The following REPS2 variants were observed in gnomAD, a reference collection of about 807,000 sequenced individuals.
REPS2 encodes the protein ralBP1-associated Eps domain-containing protein 2.
REPS2 carries 23 observed loss-of-function variants against 53.6 expected under a neutral mutation model. The observed-to-expected ratio is 0.43, with a 90% CI of 0.31 to 0.61. The LOEUF (loss-of-function observed/expected upper bound fraction) is 0.61, where lower values mean the gene tolerates loss of function less well. Ranked by LOEUF, REPS2 falls within the 20% of genes least tolerant of loss-of-function variation. REPS2 has a pLI of 0.11. For missense variants in REPS2, 446 were observed against 534.9 expected, an observed-to-expected ratio of 0.83 and a Z score of 1.64; for synonymous variants, 238 against 218.6, an observed-to-expected ratio of 1.09 and a Z score of -0.78.
At chrX:16,987,499 T>C (rs191569391) in intron 1 of REPS2, among the ~76,000 whole-genome samples, 25 of 112,662 alleles carry the variant, frequency 2.2e-4, no homozygotes, top group Non-Finnish European at 4.1e-4. Context: ...TTTTAACTTA[T>C]GTTGTTATTG....
chrX:16,947,009 G>C lies in REPS2; in HGVS notation c.148G>C (p.Gly50Arg). The C allele has an allele frequency of 1.1e-6, 1 of 943,588 alleles. No individual in the cohort carries two copies. Among genetic ancestry groups the C allele is most frequent in the Non-Finnish European group, 1.3e-6 (1 of 762,191 alleles). 77.8% of individuals were successfully genotyped at this position (943,588 alleles called of 1,213,427 possible). Residue 50 changes from glycine to arginine, a missense_variant, in exon 1 of 18, where the codon GGC becomes CGC. Gly to Arg is a moderately radical substitution (Grantham distance 125). Coordinates refer to ENST00000357277, the MANE Select transcript of REPS2 (RefSeq NM_004726.3). ...ELFARCAGAAGGGPGSGPPEA... is the reference protein window; with the variant it reads ...ELFARCAGAARGGPGSGPPEA... Reference sequence around the variant, plus strand: ...CTTCGCGCGCTGTGCCGGCGCCGCGGGCGGGGGCCCCGGGTCTGGGCCCCC... The same window carrying C: ...CTTCGCGCGCTGTGCCGGCGCCGCGCGCGGGGGCCCCGGGTCTGGGCCCCC...
At chrX:17,019,070 G>A (rs188327905) in intron 2 of REPS2, among the ~76,000 whole-genome samples, 1 of 111,448 alleles carries the variant, frequency 9.0e-6, no homozygotes, top group African/African-American at 3.3e-5. Flanking sequence ...GCCTCCCAAA[G>A]TGCTGGGATT....
chrX:16,951,559 A>ACACACACCCCC (rs879259718), intron 1 of REPS2, among the ~76,000 whole-genome samples: 9 of 37,507 alleles, frequency 2.4e-4, no homozygotes, highest in African/African-American at 4.5e-4. Flanking sequence ...ACACACACAC[A>ACACACACCCCC]CCCCCGCTAC....
chrX:16,949,069 TTGGTGGTGGTGGTGGTGG>T (rs3083679), intron 1 of REPS2, among the ~76,000 whole-genome samples: 3 of 104,036 alleles, frequency 2.9e-5, no homozygotes, highest in African/African-American at 1.1e-4. Context: ...ACCCATCACT[TTGGTGGTGGTGGTGGTGG>T]TGGTGGTGGT....
downstream of REPS2, among the ~76,000 whole-genome samples, chrX:17,157,073 C>T (rs868598464): frequency 1.8e-5 from 2 of 111,642 alleles, no homozygotes. Flanking sequence ...GGGCAGAATT[C>T]GTAGACTATT....
At chrX:17,180,366 A>G in the REPS2 span, among the ~76,000 whole-genome samples, 3 of 111,248 alleles carry the variant, frequency 2.7e-5, no homozygotes, top group Non-Finnish European at 5.7e-5. Flanking sequence ...GATCTGCTAT[A>G]TACTAAGCGA....
chrX:17,130,369 T>C (rs1044488921), intron 14 of REPS2, among the ~76,000 whole-genome samples: 6 of 111,853 alleles, frequency 5.4e-5, no homozygotes, highest in African/African-American at 2.0e-4. Flanking sequence ...AGTGTTCTTG[T>C]GGTAGCCCTG....
intron 14 of REPS2, among the ~76,000 whole-genome samples, chrX:17,124,915 G>A (rs979399087): frequency 4.8e-5 from 5 of 104,185 alleles, no homozygotes; most frequent in African/African-American, 1.8e-4. Flanking sequence ...GGAATGTGGA[G>A]TGCAGTAGCG....
chrX:16,997,490 G>A (rs899455578), intron 1 of REPS2, among the ~76,000 whole-genome samples: 4 of 112,190 alleles, frequency 3.6e-5, no homozygotes, highest in Admixed American at 9.4e-5. Flanking sequence ...TGCCAACCCC[G>A]AGGAACTCCT....
At chrX:17,189,097 T>C in the REPS2 span, among the ~76,000 whole-genome samples, 1 of 111,286 alleles carries the variant, frequency 9.0e-6, no homozygotes, top group Non-Finnish European at 1.9e-5. Context: ...TTATGAAATA[T>C]AAACATACTG....
chrX:17,054,794 T>A lies in REPS2; in HGVS notation c.972-14T>A, dbSNP rs2062045342. 1 of 1,206,542 alleles carries A rather than the reference T, an allele frequency of 8.3e-7. No homozygotes were observed. Among genetic ancestry groups the A allele is most frequent in the Admixed American group, 2.2e-5 (1 of 45,445 alleles). On this transcript the variant is annotated splice_polypyrimidine_tract_variant and intron_variant, in intron 7 of 17. Transcript: ENST00000357277. ...AGCCCCATGGTAGGTACTCATGACA[T>A]TTGTTTCATTTAGGGAGCTTAGTGA...
At chrX:17,193,695 G>A in the REPS2 span, among the ~76,000 whole-genome samples, 1 of 111,368 alleles carries the variant, frequency 9.0e-6, no homozygotes, top group Non-Finnish European at 1.9e-5. Flanking sequence ...CCAGTCATTT[G>A]TTTTCAGAAT....
At chrX:17,185,850 G>A in the REPS2 span, among the ~76,000 whole-genome samples, 1 of 111,645 alleles carries the variant, frequency 9.0e-6, no homozygotes, top group Non-Finnish European at 1.9e-5. Flanking sequence ...AGCATGAAGC[G>A]AGTGTCCTCT....
At chrX:16,990,948 T>C (rs2061155562) in intron 1 of REPS2, among the ~76,000 whole-genome samples, 1 of 110,673 alleles carries the variant, frequency 9.0e-6, no homozygotes, top group Non-Finnish European at 1.9e-5. Flanking sequence ...TTGTATTTGG[T>C]GATGTTCTGA....
Position 17,046,898 on chromosome X carries a change from A to G in REPS2, c.772-449A>G, listed in dbSNP as rs773448960. Among the ~76,000 whole-genome samples the G allele has an allele frequency of 8.0e-5, 9 of 112,485 alleles. No individual in the cohort carries two copies. The East Asian group carries it at 1.9e-3, about 24-fold the overall frequency. On this transcript the variant is annotated intron_variant, in intron 5 of 17. Coordinates refer to ENST00000357277, the MANE Select transcript of REPS2 (RefSeq NM_004726.3). Reference sequence around the variant, plus strand: ...ATTGGAGCTTTTGATTCCTGGATTTATACAGCATTTCAGTGTAACGGCAAC... The same window carrying G: ...ATTGGAGCTTTTGATTCCTGGATTTGTACAGCATTTCAGTGTAACGGCAAC...
intron 1 of REPS2, among the ~76,000 whole-genome samples, chrX:16,956,103 C>G (rs758080612): frequency 9.0e-6 from 1 of 110,775 alleles, no homozygotes; most frequent in South Asian, 3.8e-4. Flanking sequence ...AAATGCCCTG[C>G]CTGGCTACTC....
intron 1 of REPS2, among the ~76,000 whole-genome samples, chrX:16,981,655 T>C: frequency 8.9e-6 from 1 of 112,353 alleles, no homozygotes. Flanking sequence ...CCAAGTGTGA[T>C]CAAGCACTGT....
At chrX:17,086,559 C>A (rs1006209258) in intron 13 of REPS2, among the ~76,000 whole-genome samples, 1 of 112,355 alleles carries the variant, frequency 8.9e-6, no homozygotes, top group Admixed American at 9.4e-5. Context: ...GGAACAGATG[C>A]ACACAGTTGG....
intron 8 of REPS2, among the ~76,000 whole-genome samples, chrX:17,060,364 T>G (rs1338683222): frequency 9.1e-6 from 1 of 110,346 alleles, no homozygotes; most frequent in Non-Finnish European, 1.9e-5. Context: ...GGTGATTGGG[T>G]GGGTTCTGGT....
Sources: gnomAD v4.1 joint callset for allele counts (sites outside exome capture counted in the v4.1 genomes callset) on GRCh38, gnomAD v4.1.1 for gene constraint, MANE v1.5 for transcripts, NCBI Gene and HGNC (gene_info 2026-07-23, HGNC 2026-07-21) for gene names.